Variants in PDE4D observed in about 807,000 individuals in gnomAD.
PDE4D encodes the protein phosphodiesterase 4D.
A neutral mutation model predicts 87.4 loss-of-function variants in PDE4D; 24 were observed. That is an observed-to-expected ratio of 0.27 (90% confidence interval 0.20 to 0.39). The LOEUF is 0.39. PDE4D is among the 10% of genes least tolerant of loss of function. The pLI, the probability that PDE4D is intolerant of heterozygous loss-of-function variation, is 1.00. For synonymous variants in PDE4D, 384 were observed against 383.2 expected, an observed-to-expected ratio of 1.00 and a Z score of -0.02; for missense variants, 714 against 1,041.0, an observed-to-expected ratio of 0.69 and a Z score of 4.32.
chr5:59,061,662 C>A (rs116468812), intron 5 of PDE4D, among the ~76,000 whole-genome samples: 181 of 152,210 alleles, frequency 1.2e-3, no homozygotes, highest in African/African-American at 4.2e-3. Flanking sequence ...TAATCCCTGA[C>A]ACGTTGTCAT....
intron 5 of PDE4D, among the ~76,000 whole-genome samples, chr5:59,079,353 G>A (rs537335189): frequency 1.3e-5 from 2 of 152,210 alleles, no homozygotes; most frequent in African/African-American, 2.4e-5. Flanking sequence ...TTAAGAAAAA[G>A]CATGCATAAT....
chr5:59,768,281 GGA>G (rs1763056140), intron 1 of PDE4D: 1 of 1,598,212 alleles, frequency 6.3e-7, no homozygotes. Flanking sequence ...CGCTGTTTGG[GGA>G]TGTTGCTGCT....
chr5:60,453,603 T>G (rs1488539842), intron 1 of PDE4D, among the ~76,000 whole-genome samples: 1 of 152,144 alleles, frequency 6.6e-6, no homozygotes, highest in Non-Finnish European at 1.5e-5. Context: ...ATAGGTTTGT[T>G]GTACTGGTTG....
intron 1 of PDE4D, among the ~76,000 whole-genome samples, chr5:60,278,846 T>C (rs928750667): frequency 3.9e-5 from 6 of 152,320 alleles, no homozygotes; most frequent in Middle Eastern, 3.4e-3. Flanking sequence ...GTTTTTATCA[T>C]GACTATTTTA....
intron 1 of PDE4D, among the ~76,000 whole-genome samples, chr5:60,349,471 T>C (rs137867532): frequency 3.5e-4 from 54 of 152,288 alleles, no homozygotes; most frequent in Non-Finnish European, 6.8e-4. Flanking sequence ...CATTCATCAG[T>C]AGGGCAAATT....
At chr5:60,206,348 G>T (rs1318738322) in intron 1 of PDE4D, among the ~76,000 whole-genome samples, 1 of 152,132 alleles carries the variant, frequency 6.6e-6, no homozygotes, top group Non-Finnish European at 1.5e-5. Flanking sequence ...ATACTCTAAG[G>T]CTTCAAAGGA....
chr5:59,474,953 T>C (rs1562252263), intron 1 of PDE4D, among the ~76,000 whole-genome samples: 1 of 151,956 alleles, frequency 6.6e-6, no homozygotes, highest in Non-Finnish European at 1.5e-5. Flanking sequence ...GTTTACCATT[T>C]TGCAAAAGGA....
At chr5:60,460,652 A>C in intron 1 of PDE4D, 1 of 1,170,296 alleles carries the variant, frequency 8.5e-7, no homozygotes, top group Non-Finnish European at 1.3e-6. Flanking sequence ...AAGCCTGCAG[A>C]GGCCAATGTC....
chr5:59,723,667 A>C (rs893130721), intron 1 of PDE4D, among the ~76,000 whole-genome samples: 1 of 152,160 alleles, frequency 6.6e-6, no homozygotes, highest in Non-Finnish European at 1.5e-5. Context: ...TCATAGAAGA[A>C]ATCCTATCAC....
chr5:59,824,470 T>C (rs1770082059), intron 1 of PDE4D, among the ~76,000 whole-genome samples: 1 of 152,154 alleles, frequency 6.6e-6, no homozygotes, highest in African/African-American at 2.4e-5. Context: ...GAAAGACTAG[T>C]GCCTGACACA....
At chr5:59,494,611 T>G (rs1403942271) in intron 1 of PDE4D, among the ~76,000 whole-genome samples, 1 of 152,220 alleles carries the variant, frequency 6.6e-6, no homozygotes, top group Non-Finnish European at 1.5e-5. Flanking sequence ...AAAATTTTCC[T>G]TGTGATTTTA....
intron 2 of PDE4D, among the ~76,000 whole-genome samples, chr5:60,136,562 T>G (rs1200169315): frequency 6.6e-6 from 1 of 152,092 alleles, no homozygotes; most frequent in East Asian, 1.9e-4. Context: ...TGATCCACCC[T>G]CCTTGGCCTA....
intron 1 of PDE4D, among the ~76,000 whole-genome samples, chr5:60,446,261 C>T (rs1221343186): frequency 6.6e-6 from 1 of 152,084 alleles, no homozygotes; most frequent in Non-Finnish European, 1.5e-5. Context: ...TTATGAATAA[C>T]TATACTCCTT....
chr5:60,195,712 C>T (rs1312289123), intron 1 of PDE4D, among the ~76,000 whole-genome samples: 1 of 151,630 alleles, frequency 6.6e-6, no homozygotes, highest in Non-Finnish European at 1.5e-5. Context: ...ACAAATAACA[C>T]AATACACTAA....
At chr5:60,144,700 T>C (rs573266836) in intron 2 of PDE4D, among the ~76,000 whole-genome samples, 1 of 152,332 alleles carries the variant, frequency 6.6e-6, no homozygotes, top group African/African-American at 2.4e-5. Context: ...ATAATCTTTC[T>C]CTCCTCTCTC....
At chr5:59,156,349 G>A (rs1449624107) in intron 5 of PDE4D, among the ~76,000 whole-genome samples, 16,083 of 140,528 alleles carry the variant, frequency 0.11, 1,500 homozygotes, top group Non-Finnish European at 0.17. Context: ...GTGTGTGTGT[G>A]TGTGTGTGTG....
intron 2 of PDE4D, among the ~76,000 whole-genome samples, chr5:60,110,714 C>T (rs535940441): frequency 4.9e-4 from 74 of 152,074 alleles, no homozygotes; most frequent in Middle Eastern, 3.4e-3. Context: ...ATGTTTATTG[C>T]GGCACTACTT....
At chr5:59,567,508 T>C (rs1476878181) in intron 1 of PDE4D, among the ~76,000 whole-genome samples, 2 of 152,208 alleles carry the variant, frequency 1.3e-5, no homozygotes, top group East Asian at 3.8e-4. Context: ...ATTTCCATTA[T>C]CCATGTCCCA....
At chr5:60,095,373 C>A (rs1775570921) in intron 2 of PDE4D, among the ~76,000 whole-genome samples, 1 of 152,128 alleles carries the variant, frequency 6.6e-6, no homozygotes, top group South Asian at 2.1e-4. Context: ...CTGAAAAGGA[C>A]AAGAGCTCAT....
Sources: gnomAD v4.1 joint callset for allele counts (sites outside exome capture counted in the v4.1 genomes callset) on GRCh38, gnomAD v4.1.1 for gene constraint, MANE v1.5 for transcripts, NCBI Gene and HGNC (gene_info 2026-07-23, HGNC 2026-07-21) for gene names.